HIPK2: variants seen among roughly 807,000 people sequenced by gnomAD.
The protein encoded by HIPK2 is homeodomain interacting protein kinase 2.
Under a neutral mutation model 113.7 loss-of-function variants are expected in HIPK2, and 27 were observed. The ratio of observed to expected loss-of-function variants is 0.24; its 90% CI spans 0.17 to 0.33. The LOEUF is 0.33. HIPK2 is among the 10% of genes least tolerant of loss of function. The pLI is 1.00. For synonymous variants in HIPK2, 631 were observed against 642.2 expected, an observed-to-expected ratio of 0.98 and a Z score of 0.26; for missense variants, 1,257 against 1,588.0, an observed-to-expected ratio of 0.79 and a Z score of 3.54.
At chr7:139,689,230 T>C (rs1403330523) in intron 2 of HIPK2, among the ~76,000 whole-genome samples, 2 of 152,108 alleles carry the variant, frequency 1.3e-5, no homozygotes, top group African/African-American at 2.4e-5. Context: ...CGGGAAAACT[T>C]AGAAGTCAGG....
At chr7:139,688,013 T>A (rs1039381126) in intron 2 of HIPK2, among the ~76,000 whole-genome samples, 2 of 152,222 alleles carry the variant, frequency 1.3e-5, no homozygotes, top group South Asian at 4.1e-4. Flanking sequence ...AAGCTCACCC[T>A]TGTTCTCAAG....
rs1274258815 is a variant in HIPK2, at chr7:139,569,198, A to AG, written c.*3728dup. The AG allele has an allele frequency of 6.6e-6, 1 of 152,112 alleles. No homozygotes were observed. Among genetic ancestry groups the AG allele is most frequent in the African/African-American group, 2.4e-5 (1 of 41,380 alleles). The allele number at this position is 152,112 out of a possible 1,614,324, so 9.4% of individuals were successfully genotyped here. ...ATTGGGTGCTGGGGGCATGCATCAC[A>AG]GGGGGAGGGGGCAGGCTGAGGAACT... On this transcript the variant is annotated 3_prime_UTR_variant, in exon 15 of 15. Coordinates refer to ENST00000406875, the MANE Select transcript of HIPK2 (RefSeq NM_022740.5).
intron 12 of HIPK2, among the ~76,000 whole-genome samples, chr7:139,590,011 A>G (rs1240917671): frequency 6.6e-6 from 1 of 152,204 alleles, no homozygotes; most frequent in African/African-American, 2.4e-5. Flanking sequence ...TGAACACACT[A>G]TGCAGATTAG....
At chr7:139,611,386 A>C (rs191209152) in intron 9 of HIPK2, among the ~76,000 whole-genome samples, 2 of 152,372 alleles carry the variant, frequency 1.3e-5, no homozygotes, top group African/African-American at 4.8e-5. Context: ...TCATAAATAA[A>C]AGGGTAGTTT....
rs1162434741 is a variant in HIPK2 at position 139,645,014 on chromosome 7, A to G, written c.1104-13289T>C. ...ATGCAAAACTTCTCATTGCTTCAACATTTAGCTTCGACTGGTTCATGGTGA... is the reference window on the plus strand; with the variant it reads ...ATGCAAAACTTCTCATTGCTTCAACGTTTAGCTTCGACTGGTTCATGGTGA... On this transcript the variant is annotated intron_variant, in intron 2 of 14. Coordinates refer to ENST00000406875, the MANE Select transcript of HIPK2 (RefSeq NM_022740.5). Among the ~76,000 whole-genome samples, 5 of 152,366 alleles carry G rather than the reference A, an allele frequency of 3.3e-5. No homozygotes were observed. In the East Asian group the frequency reaches 9.6e-4, roughly 29 times the overall value.
intron 1 of HIPK2, among the ~76,000 whole-genome samples, chr7:139,741,063 C>T (rs1455897310): frequency 1.3e-5 from 2 of 152,182 alleles, no homozygotes; most frequent in Non-Finnish European, 2.9e-5. Context: ...AGGAGAACTG[C>T]TTGAACCCTG....
chr7:139,669,749 C>T (rs956572634), intron 2 of HIPK2, among the ~76,000 whole-genome samples: 3 of 152,132 alleles, frequency 2.0e-5, no homozygotes, highest in Non-Finnish European at 2.9e-5. Context: ...TTACGCTAGG[C>T]TACATCAATT....
At chr7:139,594,362 CATA>C (rs1307440616) in intron 12 of HIPK2, among the ~76,000 whole-genome samples, 4 of 152,312 alleles carry the variant, frequency 2.6e-5, no homozygotes, top group East Asian at 1.9e-4. Flanking sequence ...CAGTTCCCAG[CATA>C]ATATCTTACA....
intron 2 of HIPK2, among the ~76,000 whole-genome samples, chr7:139,656,343 C>G (rs1429682444): frequency 6.6e-6 from 1 of 152,190 alleles, no homozygotes; most frequent in Non-Finnish European, 1.5e-5. Flanking sequence ...TCCAGCAGAA[C>G]CATGATTTTT....
intron 13 of HIPK2, among the ~76,000 whole-genome samples, chr7:139,580,586 T>C (rs1798635077): frequency 6.6e-6 from 1 of 152,238 alleles, no homozygotes; most frequent in African/African-American, 2.4e-5. Flanking sequence ...TCTCCTGTCC[T>C]GAGAACAGCC....
In HIPK2 at chr7:139,614,298, G is replaced by C. The variant is rs1325923659; in HGVS notation, c.1978C>G (p.Pro660Ala). Reference protein sequence around the residue: ...PFQQALIVCPPGFQGLQASPS... With the variant: ...PFQQALIVCPAGFQGLQASPS... ...TGCTCAATCTTACCTTGGAAGCCGG[G>C]GGGACACACGATGAGAGCTTGCTGG... The change falls in exon 8 of 15, where the codon CCC becomes GCC. Residue 660 changes from proline (P) to alanine (A), a missense_variant. Physicochemically the swap from Pro to Ala is conservative, Grantham distance 27 (BLOSUM62 -1). Transcript: ENST00000406875. 6.6e-6 allele frequency: 10 copies of C among 1,517,240 alleles called. No individual in the cohort carries two copies. The South Asian group carries it at 7.5e-5, about 11-fold the overall frequency. The allele number at this position is 1,517,240 out of a possible 1,614,324, so 94.0% of individuals were successfully genotyped here. A position where few individuals can be genotyped will look rare whatever the true frequency, so the allele number is the denominator to read the frequency against.
intron 2 of HIPK2, among the ~76,000 whole-genome samples, chr7:139,712,580 C>T (rs1009315081): frequency 6.6e-6 from 1 of 152,236 alleles, no homozygotes; most frequent in African/African-American, 2.4e-5. Context: ...ATGACTCCTC[C>T]AGCCCAGGCG....
intron 1 of HIPK2, among the ~76,000 whole-genome samples, chr7:139,724,553 T>C (rs1271348074): frequency 6.6e-6 from 1 of 152,128 alleles, no homozygotes; most frequent in Non-Finnish European, 1.5e-5. Flanking sequence ...TATTATACTT[T>C]AAGTTTTAGG....
chr7:139,741,764 A>G (rs1403434506), intron 1 of HIPK2, among the ~76,000 whole-genome samples: 1 of 152,178 alleles, frequency 6.6e-6, no homozygotes, highest in African/African-American at 2.4e-5. Flanking sequence ...TTCAATAAAT[A>G]CTCAGTATGA....
chr7:139,588,352 C>CA lies in HIPK2; in HGVS notation c.2718-4289dup, dbSNP rs1569446723. ...CTGGCCCCCTGCTGAAAAAAAAAAA[C>CA]AAAAAAACAAAAAACAATCCTGGGT... On this transcript the variant is annotated intron_variant, in intron 12 of 14. Transcript: ENST00000406875. 3.4e-5 allele frequency among the ~76,000 whole-genome samples: 5 copies of CA among 147,126 alleles called. No individual in the cohort carries two copies. The South Asian group carries it at 8.7e-4, about 26-fold the overall frequency.
intron 2 of HIPK2, among the ~76,000 whole-genome samples, chr7:139,646,623 C>G (rs1188448093): frequency 6.6e-6 from 1 of 151,886 alleles, no homozygotes; most frequent in Non-Finnish European, 1.5e-5. Flanking sequence ...AGTCCAAGAA[C>G]AGGGACTCTC....
intron 4 of HIPK2, 131 bp from the exon 5 acceptor site, chr7:139,629,170 G>T: frequency 1.4e-6 from 1 of 692,522 alleles, no homozygotes; most frequent in Non-Finnish European, 2.5e-6. Context: ...ATTCTTCAAT[G>T]ACCTGCACAC....
intron 1 of HIPK2, among the ~76,000 whole-genome samples, chr7:139,757,017 C>G (rs1796373821): frequency 1.3e-5 from 2 of 152,130 alleles, no homozygotes; most frequent in African/African-American, 4.8e-5. Flanking sequence ...TTTCCCAGGC[C>G]CAGAACTTTA....
At chr7:139,662,515 C>A (rs1367292220) in intron 2 of HIPK2, among the ~76,000 whole-genome samples, 2 of 152,040 alleles carry the variant, frequency 1.3e-5, no homozygotes, top group East Asian at 1.9e-4. Flanking sequence ...CAATCACATT[C>A]AGGTTGAGTT....
Sources: allele counts gnomAD v4.1 joint callset (sites outside exome capture counted in the v4.1 genomes callset), GRCh38; gene constraint gnomAD v4.1.1; transcripts MANE v1.5; gene names NCBI Gene and HGNC (gene_info 2026-07-23, HGNC 2026-07-21).